DNAH14: variants seen among roughly 807,000 people sequenced by gnomAD.
DNAH14 encodes axonemal beta dynein heavy chain 14.
A neutral mutation model predicts 520.9 loss-of-function variants in DNAH14; 478 were observed. The ratio of observed to expected loss-of-function variants is 0.92; its 90% CI spans 0.85 to 0.99. The LOEUF (loss-of-function observed/expected upper bound fraction) is 0.99, where lower values mean the gene tolerates loss of function less well. DNAH14 is among the 50% of genes least tolerant of loss of function. The pLI, the probability that DNAH14 is intolerant of heterozygous loss-of-function variation, is 0.00. For synonymous variants in DNAH14, 1,581 were observed against 1,757.2 expected, an observed-to-expected ratio of 0.90 and a Z score of 2.51; for missense variants, 4,831 against 5,234.5, an observed-to-expected ratio of 0.92 and a Z score of 2.38.
chr1:225,312,237 G>A (rs1423556010), intron 60 of DNAH14, among the ~76,000 whole-genome samples: 1 of 151,842 alleles, frequency 6.6e-6, no homozygotes, highest in Non-Finnish European at 1.5e-5. Context: ...TCATGATTTG[G>A]CTCTCTGTTT....
At chr1:224,946,601 G>A (rs1004622651) in intron 1 of DNAH14, among the ~76,000 whole-genome samples, 4 of 151,970 alleles carry the variant, frequency 2.6e-5, no homozygotes, top group Admixed American at 6.6e-5. Flanking sequence ...GTTCCTATTC[G>A]GCCATCTTGG....
chr1:225,125,076 A>G (rs1216099171), intron 27 of DNAH14, among the ~76,000 whole-genome samples: 1 of 152,228 alleles, frequency 6.6e-6, no homozygotes, highest in Non-Finnish European at 1.5e-5. Flanking sequence ...CAGTGGGCTT[A>G]AAATATTCAG....
At chr1:224,938,383 A>G (rs1202185626) in intron 1 of DNAH14, among the ~76,000 whole-genome samples, 1 of 152,220 alleles carries the variant, frequency 6.6e-6, no homozygotes, top group African/African-American at 2.4e-5. Context: ...GACAAAAGAT[A>G]TGAACAGACA....
chr1:225,069,860 C>T (rs1038620965), intron 17 of DNAH14, among the ~76,000 whole-genome samples: 1 of 151,676 alleles, frequency 6.6e-6, no homozygotes, highest in Non-Finnish European at 1.5e-5. Context: ...GGATGATAGA[C>T]TTAATTACTG....
chr1:225,196,662 A>G (rs2086182114), intron 38 of DNAH14, among the ~76,000 whole-genome samples: 1 of 152,020 alleles, frequency 6.6e-6, no homozygotes, highest in African/African-American at 2.4e-5. Flanking sequence ...TGTTCACCAC[A>G]TCCACACCAA....
At chr1:225,257,738 C>T (rs182226425) in intron 44 of DNAH14, among the ~76,000 whole-genome samples, 3 of 151,780 alleles carry the variant, frequency 2.0e-5, no homozygotes, top group Non-Finnish European at 2.9e-5. Context: ...GGTTTCACCG[C>T]GTTAGCCAGG....
chr1:225,321,977 C>G (rs540499613), intron 61 of DNAH14, among the ~76,000 whole-genome samples: 1 of 151,640 alleles, frequency 6.6e-6, no homozygotes, highest in East Asian at 1.9e-4. Flanking sequence ...TACACATGTA[C>G]AGTGTCTCTG....
rs564532379 is a variant in DNAH14 at position 225,037,579 on chromosome 1, C to T, written c.1359-1115C>T. 8.2e-4 allele frequency among the ~76,000 whole-genome samples: 125 copies of T among 152,156 alleles called. No homozygotes were observed. The Middle Eastern group carries it at 0.024, about 29-fold the overall frequency. On this transcript the variant is annotated intron_variant, in intron 11 of 85. Coordinates refer to ENST00000682510, the MANE Select transcript of DNAH14 (RefSeq NM_001367479.1). ...TGTTTCTTTTTATATCTTATTTGTA[C>T]AATCTGTGTCTTGAAAAATTGTAGT...
chr1:224,993,572 C>T (rs2063196217), intron 8 of DNAH14, among the ~76,000 whole-genome samples: 1 of 150,776 alleles, frequency 6.6e-6, no homozygotes, highest in South Asian at 2.1e-4. Flanking sequence ...TTTGAGTTTT[C>T]TCTCCTTTTT....
intron 38 of DNAH14, among the ~76,000 whole-genome samples, chr1:225,197,810 G>A (rs1225653574): frequency 6.6e-6 from 1 of 152,100 alleles, no homozygotes; most frequent in Non-Finnish European, 1.5e-5. Flanking sequence ...TGTAAAAGGT[G>A]TTGAGTTCTT....
intron 42 of DNAH14, among the ~76,000 whole-genome samples, chr1:225,233,230 C>T (rs2091285946): frequency 6.6e-6 from 1 of 152,084 alleles, no homozygotes; most frequent in Admixed American, 6.6e-5. Flanking sequence ...AGGTTGATTC[C>T]ATATCTTTGC....
intron 37 of DNAH14, 63 bp from the exon 38 acceptor site, chr1:225,192,633 C>A: frequency 8.6e-7 from 1 of 1,168,162 alleles, no homozygotes; most frequent in East Asian, 2.6e-5. Flanking sequence ...AATAAGAATG[C>A]AAATAAACTA....
At chr1:225,057,012 G>A (rs1420127001) in intron 17 of DNAH14, among the ~76,000 whole-genome samples, 7 of 152,290 alleles carry the variant, frequency 4.6e-5, no homozygotes, top group East Asian at 1.9e-4. Context: ...TTGTCAATGC[G>A]GGCCCTTTTT....
Position 225,346,579 on chromosome 1 carries a change from G to A in DNAH14, c.11221G>A (p.Glu3741Lys). 6.4e-7 allele frequency: 1 copy of A among 1,550,838 alleles called. No homozygotes were observed. Reference sequence around the variant, plus strand: ...GGATGACATTGGATTCCTACCAGAAGAAGAATGGAACATCTTTTTATATTC... The same window carrying A: ...GGATGACATTGGATTCCTACCAGAAAAAGAATGGAACATCTTTTTATATTC... ...IQDDIGFLPE[E>K]EWNIFLYSGI... Residue 3741 changes from glutamate to lysine, a missense_variant, in exon 71 of 86, where the codon GAA becomes AAA. By Grantham distance (56) the Glu-to-Lys change is moderately conservative (BLOSUM62 1). Transcript: ENST00000682510.
chr1:225,102,358 C>A (rs540267463), intron 23 of DNAH14, among the ~76,000 whole-genome samples: 4 of 152,232 alleles, frequency 2.6e-5, no homozygotes, highest in Non-Finnish European at 5.9e-5. Flanking sequence ...CATACGTGTG[C>A]ATGTGTCTTT....
At chr1:225,379,373 G>T (rs2095750562) in intron 79 of DNAH14, among the ~76,000 whole-genome samples, 1 of 152,126 alleles carries the variant, frequency 6.6e-6, no homozygotes, top group Non-Finnish European at 1.5e-5. Context: ...TGAATTCCAT[G>T]GTCTCTGTAA....
rs1246711610 is a variant in DNAH14 at position 225,388,423 on chromosome 1, T to A, written c.13122T>A (p.Asp4374Glu). The A allele has an allele frequency of 3.9e-6, 6 of 1,535,086 alleles. No individual in the cohort carries two copies. In the East Asian group the frequency reaches 9.9e-5, roughly 25 times the overall value. Residue 4374 changes from aspartate (D) to glutamate (E), a missense_variant, in exon 82 of 86, where the codon GAT becomes GAA. By Grantham distance (45) the Asp-to-Glu change is conservative (BLOSUM62 2). Transcript: ENST00000682510. ...RSCKPLSSWI[D>E]DLIQRLNFFN... ...GTAAGCCACTGAGTTCCTGGATTGA[T>A]GATCTCATCCAGCGACTGAATTTCT...
rs545721968 is a variant in DNAH14 at position 224,981,061 on chromosome 1, G to A, written c.830+6908G>A. On this transcript the variant is annotated intron_variant, in intron 8 of 85. Transcript: ENST00000682510. ...TCTGCATCTATTGAGATGATCATGT[G>A]TATTCTGTTTATGTGGTGAATCACA... Among the ~76,000 whole-genome samples the A allele has an allele frequency of 2.3e-5, 3 of 129,978 alleles. No individual in the cohort carries two copies. In the East Asian group the frequency reaches 7.6e-4, roughly 33 times the overall value. The allele number at this position is 129,978 out of a possible 152,430, so 85.3% of individuals were successfully genotyped here.
chr1:225,318,390 T>C (rs1376491393), intron 60 of DNAH14, among the ~76,000 whole-genome samples, 193 bp from the exon 61 acceptor site: 2 of 152,232 alleles, frequency 1.3e-5, no homozygotes, highest in Admixed American at 6.5e-5. Flanking sequence ...GATTGAATCA[T>C]ACACATTTTA....
Sources: allele counts gnomAD v4.1 joint callset (sites outside exome capture counted in the v4.1 genomes callset), GRCh38; gene constraint gnomAD v4.1.1; transcripts MANE v1.5; gene names NCBI Gene and HGNC (gene_info 2026-07-23, HGNC 2026-07-21).